NCS1: variants seen among roughly 807,000 people sequenced by gnomAD.
NCS1 encodes frequenin homolog.
NCS1 carries 6 observed loss-of-function variants against 28.4 expected under a neutral mutation model. The observed-to-expected ratio is 0.21, with a 90% CI of 0.12 to 0.42. The LOEUF is 0.42. NCS1 is among the 10% of genes least tolerant of loss of function. NCS1 has a pLI of 1.00. For synonymous variants in NCS1, 86 were observed against 99.3 expected, an observed-to-expected ratio of 0.87 and a Z score of 0.79; for missense variants, 131 against 241.4, an observed-to-expected ratio of 0.54 and a Z score of 3.03.
At chr9:130,208,246 T>C (rs1352637241) in intron 2 of NCS1, among the ~76,000 whole-genome samples, 1 of 147,268 alleles carries the variant, frequency 6.8e-6, no homozygotes, top group African/African-American at 2.5e-5. Context: ...GCGGGTGTCC[T>C]CTGGTGGATT....
rs1435433299 is a variant in NCS1, at chr9:130,192,176, C to T, written c.65-8782C>T. Among the ~76,000 whole-genome samples, 3 of 152,040 alleles carry T rather than the reference C, an allele frequency of 2.0e-5. No homozygotes were observed. Among genetic ancestry groups the T allele is most frequent in the Non-Finnish European group, 4.4e-5 (3 of 67,996 alleles). On this transcript the variant is annotated intron_variant, in intron 1 of 7. Transcript: ENST00000372398. This position sits in a 1 kb window ranked among gnomAD's most constrained non-coding sequence, Gnocchi z 4.8. ...GAGTGGGGGGTGGTCTCTCTTCTCACCCTGGCAGGGGCATCGAGTAATAAG... is the reference window on the plus strand; with the variant it reads ...GAGTGGGGGGTGGTCTCTCTTCTCATCCTGGCAGGGGCATCGAGTAATAAG...
chr9:130,224,594 T>A (rs1190491638), intron 6 of NCS1, among the ~76,000 whole-genome samples: 2 of 150,942 alleles, frequency 1.3e-5, no homozygotes, highest in Admixed American at 6.6e-5. Flanking sequence ...CCATAGACAC[T>A]GGAGCCTACT....
intron 2 of NCS1, among the ~76,000 whole-genome samples, chr9:130,210,412 A>G (rs1361904648): frequency 2.0e-5 from 3 of 150,966 alleles, no homozygotes; most frequent in South Asian, 4.2e-4. Flanking sequence ...AAAAAAAAAA[A>G]AAAGAAAGAA....
At chr9:130,231,585 T>C (rs369841331) in intron 7 of NCS1, among the ~76,000 whole-genome samples, 1 of 152,102 alleles carries the variant, frequency 6.6e-6, no homozygotes, top group East Asian at 2.0e-4. Flanking sequence ...GGTTTCACCA[T>C]GTTGGCCAGG....
At chr9:130,184,309 C>T (rs932177836) in intron 1 of NCS1, among the ~76,000 whole-genome samples, 2 of 152,068 alleles carry the variant, frequency 1.3e-5, no homozygotes, top group Non-Finnish European at 2.9e-5. Context: ...CTCTCAGGGA[C>T]CCACAGGCCT....
intron 2 of NCS1, among the ~76,000 whole-genome samples, chr9:130,207,512 G>A (rs1554908252): frequency 1.3e-5 from 2 of 152,240 alleles, no homozygotes; most frequent in Admixed American, 1.3e-4. Flanking sequence ...CCAGTCAGCT[G>A]CTCAGAGAGG....
chr9:130,174,704 G>T lies in NCS1; in HGVS notation c.64+1977G>T, dbSNP rs111888671. Among the ~76,000 whole-genome samples the T allele has an allele frequency of 9.4e-3, 1,418 of 150,688 alleles. 10 individuals carry two copies. The highest frequency in any genetic ancestry group is 0.012 in the Non-Finnish European group (826 of 67,902). On this transcript the variant is annotated intron_variant, in intron 1 of 7. Transcript: ENST00000372398. ...CACATGCCTGTAATCCCAGCTACTC[G>T]GGAGGCTGAGGCAGGAGAATCGCTT...
At chr9:130,222,053 AT>A (rs1554910617) in intron 4 of NCS1, among the ~76,000 whole-genome samples, 1 of 136,016 alleles carries the variant, frequency 7.4e-6, no homozygotes, top group Non-Finnish European at 1.5e-5. Flanking sequence ...ATAAATATAT[AT>A]ACATAAATAT....
In NCS1 at chr9:130,217,904, A is replaced by G; in HGVS notation, c.162A>G (p.Gln54=). The change falls in exon 3 of 8, where the codon CAA becomes CAG. Residue 54 remains glutamine, a synonymous_variant. Coordinates refer to ENST00000372398, the MANE Select transcript of NCS1 (RefSeq NM_014286.4). ...DAAGFQKIYK[Q]FFPFGDPTKF... is the part of the protein sequence containing the mutation. ...CAGGCTTCCAGAAGATCTACAAGCAATTCTTCCCGTTCGGAGACCCCACCA... is the reference window on the plus strand; with the variant it reads ...CAGGCTTCCAGAAGATCTACAAGCAGTTCTTCCCGTTCGGAGACCCCACCA... 6.2e-7 allele frequency: 1 copy of G among 1,614,120 alleles called. No individual in the cohort carries two copies. The highest frequency in any genetic ancestry group is 8.5e-7 in the Non-Finnish European group (1 of 1,180,016).
At chr9:130,174,610 G>A (rs1832535132) in intron 1 of NCS1, among the ~76,000 whole-genome samples, 3 of 152,040 alleles carry the variant, frequency 2.0e-5, no homozygotes, top group African/African-American at 7.2e-5. Context: ...CGAGGCGGGT[G>A]GACCAGCCTG....
At chr9:130,205,100 G>A (rs968179034) in intron 2 of NCS1, among the ~76,000 whole-genome samples, 14 of 152,086 alleles carry the variant, frequency 9.2e-5, no homozygotes, top group African/African-American at 3.1e-4. Context: ...TGGGGGCCTC[G>A]TTAGGAGGGA....
chr9:130,176,381 A>G (rs1455758516), intron 1 of NCS1, among the ~76,000 whole-genome samples: 28 of 151,444 alleles, frequency 1.8e-4, no homozygotes, highest in African/African-American at 6.8e-4. Flanking sequence ...TTTTTTGTAG[A>G]GTTAGGGTCT....
chr9:130,204,893 CA>C (rs1554907874), intron 2 of NCS1, among the ~76,000 whole-genome samples: 2 of 152,174 alleles, frequency 1.3e-5, no homozygotes, highest in African/African-American at 2.4e-5. Context: ...AACTGAGGCC[CA>C]GGGGGGTGAG....
In NCS1 at chr9:130,187,859, A is replaced by G. The variant is rs11998928; in HGVS notation, c.65-13099A>G. 4.3e-3 allele frequency among the ~76,000 whole-genome samples: 652 copies of G among 152,242 alleles called. 4 individuals are homozygous for G. Among genetic ancestry groups the G allele is most frequent in the African/African-American group, 0.015 (605 of 41,544 alleles). ...TGTGACCGTGTGGCTTCTGTGAACA[A>G]TTTGGCTTCTGCCTGAGCTGTGATG... On this transcript the variant is annotated intron_variant, in intron 1 of 7. Coordinates refer to ENST00000372398, the MANE Select transcript of NCS1 (RefSeq NM_014286.4).
Position 130,232,521 on chromosome 9 carries a change from G to A in NCS1, c.*18-469G>A, listed in dbSNP as rs1833512328. Among the ~76,000 whole-genome samples the A allele has an allele frequency of 1.3e-5, 2 of 152,248 alleles. No homozygotes were observed. Among genetic ancestry groups the A allele is most frequent in the South Asian group, 2.1e-4 (1 of 4,826 alleles). On this transcript the variant is annotated intron_variant, in intron 7 of 7. Transcript: ENST00000372398. This position sits in a 1 kb window ranked among gnomAD's most constrained non-coding sequence, Gnocchi z 4.4. ...ATATAGGCTGGGCACGGTGGCTCAC[G>A]CCTGTAATCCCAGCACTTTGGGAGG...
chr9:130,191,644 G>C lies in NCS1; in HGVS notation c.65-9314G>C, dbSNP rs1554906258. ...TACAGCAACAGCCCATGGCCCCCTG[G>C]GCTGTGTGAGACGCTAATGAAATGA... On this transcript the variant is annotated intron_variant, in intron 1 of 7. Coordinates refer to ENST00000372398, the MANE Select transcript of NCS1 (RefSeq NM_014286.4). The surrounding 1 kb of genome is among the most constrained non-coding windows in gnomAD (Gnocchi z 6.4). 1.3e-5 allele frequency among the ~76,000 whole-genome samples: 2 copies of C among 152,194 alleles called. No homozygotes were observed. The highest frequency in any genetic ancestry group is 2.9e-5 in the Non-Finnish European group (2 of 68,024).
Position 130,235,538 on chromosome 9 carries a change from A to G in NCS1, c.*2566A>G, listed in dbSNP as rs1554912896. 1 of 152,376 alleles carries G rather than the reference A, an allele frequency of 6.6e-6. No individual in the cohort carries two copies. The highest frequency in any genetic ancestry group is 1.5e-5 in the Non-Finnish European group (1 of 68,206). The allele number at this position is 152,376 out of a possible 1,614,324, so 9.4% of individuals were successfully genotyped here. A position where few individuals can be genotyped will look rare whatever the true frequency, so the allele number is the denominator to read the frequency against. On this transcript the variant is annotated 3_prime_UTR_variant, in exon 8 of 8. Coordinates refer to ENST00000372398, the MANE Select transcript of NCS1 (RefSeq NM_014286.4). ...CCTGCCCTTTGGCCTTTTGGTTTGAAGCCACAGGTGTGGCTTCTGGCCTTA... is the reference window on the plus strand; with the variant it reads ...CCTGCCCTTTGGCCTTTTGGTTTGAGGCCACAGGTGTGGCTTCTGGCCTTA...
At chr9:130,216,051 AC>A (rs1833179631) in intron 2 of NCS1, among the ~76,000 whole-genome samples, 1 of 151,976 alleles carries the variant, frequency 6.6e-6, no homozygotes, top group African/African-American at 2.4e-5. Flanking sequence ...TCAGGGTGCC[AC>A]CCCTGGGTGC....
intron 2 of NCS1, among the ~76,000 whole-genome samples, chr9:130,203,120 A>ATG (rs1554907639): frequency 7.4e-4 from 85 of 115,252 alleles, no homozygotes; most frequent in African/African-American, 2.4e-3. Context: ...GTGCGTGTGT[A>ATG]TGTATATATA....
Sources: allele counts gnomAD v4.1 joint callset (sites outside exome capture counted in the v4.1 genomes callset), GRCh38; gene constraint gnomAD v4.1.1; non-coding constraint Gnocchi (gnomAD v3.1); transcripts MANE v1.5; gene names NCBI Gene and HGNC (gene_info 2026-07-23, HGNC 2026-07-21).